The following PALD1 variants were observed in gnomAD, a reference collection of about 807,000 sequenced individuals.
The protein encoded by PALD1 is paladin.
PALD1 carries 57 observed loss-of-function variants against 96.0 expected under a neutral mutation model. That is an observed-to-expected ratio of 0.59 (90% CI 0.48 to 0.74). The LOEUF (loss-of-function observed/expected upper bound fraction) is 0.74. Ranked by LOEUF, PALD1 falls within the 30% of genes least tolerant of loss-of-function variation. The pLI, the probability that PALD1 is intolerant of heterozygous loss-of-function variation, is 0.00. For missense variants in PALD1, 1,063 were observed against 1,143.7 expected (o/e 0.93, Z 1.02); for synonymous variants, 464 against 473.6 (o/e 0.98, Z 0.26).
At position 70,539,663 on chromosome 10, in the gene PALD1, C is replaced by A. The variant is rs1163313217; in HGVS notation, c.1809C>A (p.Cys603Ter). 2 of 1,613,730 alleles carry A rather than the reference C, an allele frequency of 1.2e-6. No individual in the cohort carries two copies. Among genetic ancestry groups the A allele is most frequent in the South Asian group, 2.2e-5 (2 of 91,076 alleles). The change falls in exon 15 of 20, where the codon TGC (cysteine) becomes TGA (stop). Residue 603 changes from cysteine (C) to a stop codon, truncating the protein, a stop_gained. Transcript: ENST00000263563. LOFTEE classifies it high-confidence loss of function. This position sits in a 1 kb window ranked among gnomAD's most constrained non-coding sequence, Gnocchi z 4.5. The stretch of plus-strand genomic sequence containing the variant: ...CCCTGACCTACAGGTTCCAGACCTG[C>A]CTTACCATGCAGGAGGTCTTCAGCC... Reference protein sequence around the residue: ...EGPLTYRFQTCLTMQEVFSQH... With the variant: ...EGPLTYRFQT
chr10:70,539,849 A>G lies in PALD1; in HGVS notation c.1908+87A>G, dbSNP rs72811353. ...CTGGTCTGGGCTCTGGGAGAATGAA[A>G]CGACCCCAGCTTCTCTACGGGGCCC... On this transcript the variant is annotated intron_variant, in intron 15 of 19. Coordinates refer to ENST00000263563, the MANE Select transcript of PALD1 (RefSeq NM_014431.3). This position sits in a 1 kb window ranked among gnomAD's most constrained non-coding sequence, Gnocchi z 4.5. The G allele has an allele frequency of 0.024, 28,846 of 1,211,780 alleles. 439 individuals are homozygous for G. Among genetic ancestry groups the G allele is most frequent in the Middle Eastern group, 0.034 (155 of 4,540 alleles). 75.1% of individuals were successfully genotyped at this position (1,211,780 alleles called of 1,614,324 possible). A position where few individuals can be genotyped will look rare whatever the true frequency, so the allele number is the denominator to read the frequency against.
chr10:70,531,968 G>A (rs1210028937), intron 5 of PALD1, among the ~76,000 whole-genome samples: 1 of 150,272 alleles, frequency 6.7e-6, no homozygotes, highest in Non-Finnish European at 1.5e-5. Flanking sequence ...GGGCTACAGA[G>A]TGAAACTCTT....
At chr10:70,511,562 A>G (rs756531831) in intron 1 of PALD1, among the ~76,000 whole-genome samples, 27 of 152,342 alleles carry the variant, frequency 1.8e-4, no homozygotes, top group Admixed American at 9.8e-4. Flanking sequence ...ATTTATAATG[A>G]ACAGAAATTT....
chr10:70,539,606 T>G lies in PALD1; in HGVS notation c.1752T>G (p.His584Gln). 2 of 1,611,700 alleles carry G rather than the reference T, an allele frequency of 1.2e-6. No individual in the cohort carries two copies. ...LETLEAQLKA[H>Q]LSEPPPGKEG... ...CCCTGGAGGCCCAGCTGAAGGCCCA[T>G]CTAAGCGAGCCTCCCCCAGGCAAGG... Residue 584 changes from histidine to glutamine, a missense_variant, in exon 15 of 20, where the codon CAT (histidine) becomes CAG (glutamine). By Grantham distance (24) the His-to-Gln change is conservative. Transcript: ENST00000263563. This position sits in a 1 kb window ranked among gnomAD's most constrained non-coding sequence, Gnocchi z 4.5.
chr10:70,486,772 C>T (rs1846022173), intron 1 of PALD1, among the ~76,000 whole-genome samples: 1 of 151,756 alleles, frequency 6.6e-6, no homozygotes, highest in South Asian at 2.1e-4. Context: ...AAAAACAAAA[C>T]AAAACAAAAC....
At chr10:70,515,124 T>A (rs1846593123) in intron 1 of PALD1, among the ~76,000 whole-genome samples, 1 of 151,846 alleles carries the variant, frequency 6.6e-6, no homozygotes, top group Non-Finnish European at 1.5e-5. Context: ...GGAGGTAAAG[T>A]GATGGAGAGA....
rs558380112 is a variant in PALD1, at chr10:70,566,773, G to A, written c.*40G>A. 1.9e-5 allele frequency: 28 copies of A among 1,456,622 alleles called. No homozygotes were observed. Among genetic ancestry groups the A allele is most frequent in the Admixed American group, 1.8e-4 (9 of 50,104 alleles). The allele number at this position is 1,456,622 out of a possible 1,614,324, so 90.2% of individuals were successfully genotyped here. On this transcript the variant is annotated 3_prime_UTR_variant, in exon 20 of 20. Transcript: ENST00000263563. ...TGTCCCCCCACCCACAGGGCCCCACGCAGGCCTGGGGTGTCTGAGGTGCTC... is the reference window on the plus strand; with the variant it reads ...TGTCCCCCCACCCACAGGGCCCCACACAGGCCTGGGGTGTCTGAGGTGCTC...
rs371931767 is a variant in PALD1, at chr10:70,543,624, G to A, written c.2121+2090G>A. ...GTGGATATCTGGTTTTTCCAGCACC[G>A]TTAGTTCAAGAGTCTGTCTTTCCCC... On this transcript the variant is annotated intron_variant, in intron 17 of 19. Coordinates refer to ENST00000263563, the MANE Select transcript of PALD1 (RefSeq NM_014431.3). Among the ~76,000 whole-genome samples the A allele has an allele frequency of 1.4e-4, 22 of 152,242 alleles. No homozygotes were observed. The South Asian group carries it at 1.5e-3, about 10-fold the overall frequency.
Position 70,550,289 on chromosome 10 carries a change from TGA to T in PALD1, c.2262+2847_2262+2848del, listed in dbSNP as rs770420692. Among the ~76,000 whole-genome samples the T allele has an allele frequency of 2.5e-4, 38 of 152,304 alleles. 1 individual carries two copies. Among genetic ancestry groups the T allele is most frequent in the African/African-American group, 4.8e-5 (2 of 41,566 alleles). On this transcript the variant is annotated intron_variant, in intron 18 of 19. Coordinates refer to ENST00000263563, the MANE Select transcript of PALD1 (RefSeq NM_014431.3). ...GGTGATTCCAACACACAGCCAAGGC[TGA>T]GAGCCACATATTCTAAGCAGCGGCC...
intron 18 of PALD1, among the ~76,000 whole-genome samples, chr10:70,554,865 A>AC (rs1847560037): frequency 7.2e-6 from 1 of 138,452 alleles, no homozygotes; most frequent in Non-Finnish European, 1.5e-5. Flanking sequence ...TTGTATAAAG[A>AC]CTGTAGTGCT....
Position 70,540,952 on chromosome 10 carries a change from C to T in PALD1, c.1909-150C>T, listed in dbSNP as rs141402821. 111 of 776,272 alleles carry T rather than the reference C, an allele frequency of 1.4e-4. No individual in the cohort carries two copies. In the African/African-American group the frequency reaches 1.5e-3, roughly 11 times the overall value. The allele number at this position is 776,272 out of a possible 1,614,324, so 48.1% of individuals were successfully genotyped here. On this transcript the variant is annotated intron_variant, in intron 15 of 19. Transcript: ENST00000263563. The surrounding 1 kb of genome is among the most constrained non-coding windows in gnomAD (Gnocchi z 4.2). ...TACACGCACATGGTCTCATGCACCCCGGTGAGTTTTGTTTGTGTGTGCAAG... is the reference window on the plus strand; with the variant it reads ...TACACGCACATGGTCTCATGCACCCTGGTGAGTTTTGTTTGTGTGTGCAAG...
At chr10:70,558,691 G>A (rs527374342) in intron 18 of PALD1, among the ~76,000 whole-genome samples, 25 of 125,084 alleles carry the variant, frequency 2.0e-4, no homozygotes, top group East Asian at 8.0e-4. Context: ...GCAAATTCTT[G>A]TAAGAATTTG....
At chr10:70,495,753 C>A (rs1342506418) in intron 1 of PALD1, among the ~76,000 whole-genome samples, 1 of 151,622 alleles carries the variant, frequency 6.6e-6, no homozygotes, top group Non-Finnish European at 1.5e-5. Context: ...ACCTGTAATC[C>A]CAGCACTGTG....
chr10:70,461,366 T>C, the PALD1 span, among the ~76,000 whole-genome samples: 9 of 152,254 alleles, frequency 5.9e-5, no homozygotes, highest in African/African-American at 2.2e-4. Flanking sequence ...GCTGGAATTA[T>C]GTCTTTATTT....
At chr10:70,521,793 C>T (rs917790068) in intron 1 of PALD1, among the ~76,000 whole-genome samples, 1 of 151,930 alleles carries the variant, frequency 6.6e-6, no homozygotes, top group African/African-American at 2.4e-5. Flanking sequence ...TTTGGCCTTC[C>T]AAAGTGCTAG....
At position 70,540,463 on chromosome 10, in the gene PALD1, A is replaced by G. The variant is rs1044911884; in HGVS notation, c.1909-639A>G. Among the ~76,000 whole-genome samples the G allele has an allele frequency of 1.3e-5, 2 of 151,356 alleles. No individual in the cohort carries two copies. The highest frequency in any genetic ancestry group is 4.9e-5 in the African/African-American group (2 of 41,124). ...TAGGTCTGTGACTGTGGGTGTCTGT[A>G]TAGTGTGTGTGTTTACCGGACGTGG... On this transcript the variant is annotated intron_variant, in intron 15 of 19. Transcript: ENST00000263563. The surrounding 1 kb of genome is among the most constrained non-coding windows in gnomAD (Gnocchi z 4.2).
At chr10:70,552,685 G>A (rs1847505367) in intron 18 of PALD1, among the ~76,000 whole-genome samples, 2 of 152,044 alleles carry the variant, frequency 1.3e-5, no homozygotes, top group Non-Finnish European at 2.9e-5. Flanking sequence ...TAAAGAAGGG[G>A]GATCTTTTAA....
intron 1 of PALD1, among the ~76,000 whole-genome samples, chr10:70,506,896 G>GT (rs1039734363): frequency 3.3e-5 from 5 of 152,198 alleles, no homozygotes; most frequent in African/African-American, 1.2e-4. Context: ...TCACCTGGGG[G>GT]TGGGGGTGGT....
At chr10:70,509,710 GCCTTAGGTCCTGGGAGGA>G (rs1366802987) in intron 1 of PALD1, among the ~76,000 whole-genome samples, 1 of 152,218 alleles carries the variant, frequency 6.6e-6, no homozygotes, top group African/African-American at 2.4e-5. Flanking sequence ...GCAGGGAAGG[GCCTTAGGTCCTGGGAGGA>G]CCTTGAGGGC....
Sources: gnomAD v4.1 joint callset for allele counts (sites outside exome capture counted in the v4.1 genomes callset) on GRCh38, gnomAD v4.1.1 for gene constraint, Gnocchi (gnomAD v3.1) non-coding constraint, MANE v1.5 for transcripts, NCBI Gene and HGNC (gene_info 2026-07-23, HGNC 2026-07-21) for gene names.